Variants in SHANK2 observed in about 807,000 individuals in gnomAD.
SHANK2 encodes the protein SH3 and multiple ankyrin repeat domains 2, also known as SH3 and multiple ankyrin repeat domains protein 2.
Under a neutral mutation model 133.7 loss-of-function variants are expected in SHANK2, and 43 were observed. The ratio of observed to expected loss-of-function variants is 0.32; its 90% confidence interval spans 0.25 to 0.41. The LOEUF (loss-of-function observed/expected upper bound fraction) is 0.41, where lower values mean the gene tolerates loss of function less well. SHANK2 is among the 10% of genes least tolerant of loss of function. The pLI is 1.00. For missense variants in SHANK2, 1,994 were observed against 2,235.8 expected (o/e 0.89, Z 2.18); for synonymous variants, 1,017 against 952.8 (o/e 1.07, Z -1.24).
intron 11 of SHANK2, among the ~76,000 whole-genome samples, chr11:70,824,656 C>G (rs1022366400): frequency 3.3e-5 from 5 of 152,164 alleles, no homozygotes; most frequent in Non-Finnish European, 7.4e-5. Context: ...TTTTGTTGGT[C>G]TTGAGGGAAA....
At chr11:70,943,794 A>G in intron 10 of SHANK2, 1 of 403,042 alleles carries the variant, frequency 2.5e-6, no homozygotes. Context: ...TACATGGGGT[A>G]TGAGCTGCTC....
chr11:70,944,735 T>C (rs192834195), intron 10 of SHANK2, among the ~76,000 whole-genome samples: 33 of 152,322 alleles, frequency 2.2e-4, no homozygotes, highest in Admixed American at 9.8e-4. Flanking sequence ...ATCTGCTCAG[T>C]GGCTTTGTCT....
chr11:70,917,557 G>A (rs571393920), intron 10 of SHANK2, among the ~76,000 whole-genome samples: 5 of 152,110 alleles, frequency 3.3e-5, no homozygotes, highest in South Asian at 4.1e-4. Flanking sequence ...ACATGCACAC[G>A]TGTTCACTGC....
chr11:70,478,714 G>A (rs2058696395), intron 25 of SHANK2, among the ~76,000 whole-genome samples: 1 of 152,222 alleles, frequency 6.6e-6, no homozygotes, highest in Non-Finnish European at 1.5e-5. Context: ...AGTGCCATGA[G>A]GGGGTCCTGG....
Position 70,473,079 on chromosome 11 carries a change from A to T in SHANK2, c.5340T>A (p.Thr1780=). 6.2e-7 allele frequency: 1 copy of T among 1,614,260 alleles called. No homozygotes were observed. Among genetic ancestry groups the T allele is most frequent in the Non-Finnish European group, 8.5e-7 (1 of 1,180,050 alleles). The part of the protein sequence containing the change: ...QQPISNKPFT[T]KPVHLWTKPD... ...GTTTAGTCCACAGGTGGACAGGTTT[A>T]GTTGTAAAAGGCTTATTTGAGATTG... Residue 1780 remains threonine, a synonymous_variant, in exon 26 of 26, where the codon ACT becomes ACA. Transcript: ENST00000601538. The surrounding 1 kb of genome is among the most constrained non-coding windows in gnomAD (Gnocchi z 5.9).
At chr11:70,860,073 C>A (rs541966153) in intron 11 of SHANK2, among the ~76,000 whole-genome samples, 1 of 152,228 alleles carries the variant, frequency 6.6e-6, no homozygotes, top group Non-Finnish European at 1.5e-5. Flanking sequence ...CCACCTCCAA[C>A]CTCCCCCAAC....
At chr11:70,853,411 G>A (rs542849919) in intron 11 of SHANK2, among the ~76,000 whole-genome samples, 5 of 152,320 alleles carry the variant, frequency 3.3e-5, no homozygotes, top group South Asian at 2.1e-4. Flanking sequence ...GGCTGAGTGC[G>A]TCGGCCATTG....
intron 21 of SHANK2, among the ~76,000 whole-genome samples, chr11:70,492,814 G>GAGAC (rs1367865020): frequency 3.4e-4 from 9 of 26,098 alleles, no homozygotes; most frequent in Admixed American, 7.3e-4. Context: ...TTTTTTTTTT[G>GAGAC]AGACAGTCTC....
chr11:71,204,997 T>G (rs554700213), intron 2 of SHANK2, among the ~76,000 whole-genome samples: 1 of 151,888 alleles, frequency 6.6e-6, no homozygotes, highest in Non-Finnish European at 1.5e-5. Flanking sequence ...GCCTCCCTCC[T>G]CCCTCCCTCA....
Position 70,485,169 on chromosome 11 carries a change from T to C in SHANK2, c.4979+145A>G, listed in dbSNP as rs2135723509. 1.5e-6 allele frequency: 1 copy of C among 682,706 alleles called. No individual in the cohort carries two copies. The highest frequency in any genetic ancestry group is 2.6e-6 in the Non-Finnish European group (1 of 385,308). The allele number at this position is 682,706 out of a possible 1,614,324, so 42.3% of individuals were successfully genotyped here. A position where few individuals can be genotyped will look rare whatever the true frequency, so the allele number is the denominator to read the frequency against. On this transcript the variant is annotated intron_variant, in intron 25 of 25. Transcript: ENST00000601538. The surrounding 1 kb of genome is among the most constrained non-coding windows in gnomAD (Gnocchi z 5.8). ...AGTCCAGGAGCATGAGAAAAAGAAGTGTTACTGCATTAACAGACGTGGCCC... is the reference window on the plus strand; with the variant it reads ...AGTCCAGGAGCATGAGAAAAAGAAGCGTTACTGCATTAACAGACGTGGCCC...
At chr11:71,130,276 G>A (rs1232310889) in intron 3 of SHANK2, among the ~76,000 whole-genome samples, 1 of 152,200 alleles carries the variant, frequency 6.6e-6, no homozygotes, top group African/African-American at 2.4e-5. Flanking sequence ...CCTGTGTTGG[G>A]ACACGTCCGC....
chr11:71,104,368 C>A (rs900089315), intron 6 of SHANK2, among the ~76,000 whole-genome samples: 1 of 152,186 alleles, frequency 6.6e-6, no homozygotes, highest in Admixed American at 6.5e-5. Flanking sequence ...AGGGCCCCCC[C>A]CATCCTGCAT....
chr11:70,745,409 G>A (rs367666222), intron 14 of SHANK2, among the ~76,000 whole-genome samples: 21 of 152,278 alleles, frequency 1.4e-4, no homozygotes, highest in Admixed American at 6.5e-4. Context: ...TGAAACACCC[G>A]TGTCTCAGCC....
chr11:71,165,494 T>G (rs531522609), intron 2 of SHANK2, among the ~76,000 whole-genome samples: 2 of 152,294 alleles, frequency 1.3e-5, no homozygotes, highest in South Asian at 4.1e-4. Flanking sequence ...CGCTATGCTG[T>G]GCAGCAGCCC....
At chr11:71,169,445 T>C (rs559632680) in intron 2 of SHANK2, among the ~76,000 whole-genome samples, 35 of 152,320 alleles carry the variant, frequency 2.3e-4, no homozygotes, top group African/African-American at 8.2e-4. Context: ...TACATAAGTC[T>C]ACACAGAATG....
rs558147880 is a variant in SHANK2, at chr11:71,235,871, A to ATGTG, written c.-112-11079_-112-11076dup. ...TGACGATGGGCACACACTCTCTCAC[A>ATGTG]TGTGTGTGTACACCATCTCCCATCC... is the stretch of plus-strand genomic sequence containing the variant. On this transcript the variant is annotated intron_variant, in intron 1 of 25. Transcript: ENST00000601538. Among the ~76,000 whole-genome samples, 9 of 152,300 alleles carry ATGTG rather than the reference A, an allele frequency of 5.9e-5. No homozygotes were observed. The South Asian group carries it at 1.9e-3, about 32-fold the overall frequency.
At chr11:71,166,754 A>AT (rs1953159271) in intron 2 of SHANK2, among the ~76,000 whole-genome samples, 1 of 150,236 alleles carries the variant, frequency 6.7e-6, no homozygotes, top group African/African-American at 2.4e-5. Context: ...AAGTGCTGGG[A>AT]TTACAGGCGT....
chr11:70,548,540 T>C (rs1301595720), intron 17 of SHANK2, among the ~76,000 whole-genome samples: 2 of 152,184 alleles, frequency 1.3e-5, no homozygotes, highest in African/African-American at 4.8e-5. Flanking sequence ...GCCCACTCTC[T>C]GTCCTTCCCC....
intron 2 of SHANK2, among the ~76,000 whole-genome samples, chr11:71,159,259 C>G (rs115380367): frequency 0.015 from 2,286 of 152,316 alleles, 51 homozygotes; most frequent in African/African-American, 0.051. Context: ...GTGACCTGTA[C>G]TCTGACACTC....
Sources: allele counts gnomAD v4.1 joint callset (sites outside exome capture counted in the v4.1 genomes callset), GRCh38; gene constraint gnomAD v4.1.1; non-coding constraint Gnocchi (gnomAD v3.1); transcripts MANE v1.5; gene names NCBI Gene and HGNC (gene_info 2026-07-23, HGNC 2026-07-21).